The following DPYSL2 variants were observed in gnomAD, a reference collection of about 807,000 sequenced individuals.
DPYSL2 encodes the protein dihydropyrimidinase-related protein 2.
Under a neutral mutation model 69.9 loss-of-function variants are expected in DPYSL2, and 13 were observed. The observed-to-expected ratio is 0.19, with a 90% confidence interval of 0.12 to 0.30. The LOEUF is 0.30. Ranked by LOEUF, DPYSL2 falls within the 10% of genes least tolerant of loss-of-function variation. The pLI is 1.00. For missense variants in DPYSL2, 587 were observed against 918.9 expected, an observed-to-expected ratio of 0.64 and a Z score of 4.67; for synonymous variants, 326 against 359.1, an observed-to-expected ratio of 0.91 and a Z score of 1.04.
chr8:26,552,655 G>A (rs1227420171), intron 1 of DPYSL2, among the ~76,000 whole-genome samples: 1 of 152,176 alleles, frequency 6.6e-6, no homozygotes, highest in Non-Finnish European at 1.5e-5. Flanking sequence ...GAGGTGCAGG[G>A]CATCACATGT....
intron 1 of DPYSL2, among the ~76,000 whole-genome samples, chr8:26,529,295 C>G (rs1038489469): frequency 6.8e-6 from 1 of 146,254 alleles, no homozygotes; most frequent in African/African-American, 2.5e-5. Flanking sequence ...ATCTATCTAT[C>G]TATCTATCAT....
At position 26,579,924 on chromosome 8, in the gene DPYSL2, C is replaced by CTT. The variant is rs67626321; in HGVS notation, c.355-2024_355-2023dup. Among the ~76,000 whole-genome samples the CTT allele has an allele frequency of 1.6e-3, 188 of 115,562 alleles. 1 individual carries two copies. Among genetic ancestry groups the CTT allele is most frequent in the African/African-American group, 5.7e-3 (162 of 28,574 alleles). 75.8% of individuals were successfully genotyped at this position (115,562 alleles called of 152,430 possible). A position where few individuals can be genotyped will look rare whatever the true frequency, so the allele number is the denominator to read the frequency against. ...AATTAAAAGCAAACGATCAACAAGACTTTTTTTTTTTTTTTTTTTTTTAAA... is the reference window on the plus strand; with the variant it reads ...AATTAAAAGCAAACGATCAACAAGACTTTTTTTTTTTTTTTTTTTTTTTTAAA... On this transcript the variant is annotated intron_variant, in intron 1 of 13. Coordinates refer to ENST00000521913, the MANE Select transcript of DPYSL2 (RefSeq NM_001197293.3).
At chr8:26,568,067 A>T (rs907097568) in intron 1 of DPYSL2, among the ~76,000 whole-genome samples, 1 of 152,226 alleles carries the variant, frequency 6.6e-6, no homozygotes, top group East Asian at 1.9e-4. Flanking sequence ...AAGCCCACAA[A>T]TGAGACTGAT....
chr8:26,586,550 T>C lies in DPYSL2; in HGVS notation c.628+2567T>C, dbSNP rs1801608121. On this transcript the variant is annotated intron_variant, in intron 3 of 13. Coordinates refer to ENST00000521913, the MANE Select transcript of DPYSL2 (RefSeq NM_001197293.3). This position sits in a 1 kb window ranked among gnomAD's most constrained non-coding sequence, Gnocchi z 4.7. ...ACTCTTGTTCTTGTTTTTGACTCTTTCCTGCCTTCCCTTCCCCACCACAGG... is the reference window on the plus strand; with the variant it reads ...ACTCTTGTTCTTGTTTTTGACTCTTCCCTGCCTTCCCTTCCCCACCACAGG... 6.6e-6 allele frequency among the ~76,000 whole-genome samples: 1 copy of C among 152,192 alleles called. No individual in the cohort carries two copies. The highest frequency in any genetic ancestry group is 6.5e-5 in the Admixed American group (1 of 15,276).
chr8:26,595,038 A>G (rs1000657969), intron 3 of DPYSL2, among the ~76,000 whole-genome samples: 4 of 151,992 alleles, frequency 2.6e-5, no homozygotes, highest in Non-Finnish European at 5.9e-5. Context: ...CAATCAATCA[A>G]TCAATCAATC....
At chr8:26,525,242 C>T (rs767753280) in intron 1 of DPYSL2, among the ~76,000 whole-genome samples, 1 of 152,144 alleles carries the variant, frequency 6.6e-6, no homozygotes, top group Admixed American at 6.6e-5. Context: ...GTTTTTGAGA[C>T]AGGGTTTTAC....
chr8:26,573,290 C>T (rs1017242928), intron 1 of DPYSL2, among the ~76,000 whole-genome samples: 6 of 151,172 alleles, frequency 4.0e-5, no homozygotes, highest in Non-Finnish European at 7.4e-5. Flanking sequence ...TTTGGGAGGC[C>T]GAGGCAGGCA....
chr8:26,578,592 C>T lies in DPYSL2; in HGVS notation c.355-3377C>T, dbSNP rs1365582504. The T allele has an allele frequency of 3.0e-6, 4 of 1,320,944 alleles. No homozygotes were observed. The East Asian group carries it at 1.0e-4, about 33-fold the overall frequency. The allele number at this position is 1,320,944 out of a possible 1,614,324, so 81.8% of individuals were successfully genotyped here. On this transcript the variant is annotated intron_variant, in intron 1 of 13. Coordinates refer to ENST00000521913, the MANE Select transcript of DPYSL2 (RefSeq NM_001197293.3). ...CAGTGAGAGATGCTGCAGCGTCGGC[C>T]CGCGGGGTGCAAGCAAATGGATGCC...
chr8:26,651,738 A>G (rs1803283853), intron 11 of DPYSL2, among the ~76,000 whole-genome samples: 1 of 152,222 alleles, frequency 6.6e-6, no homozygotes, highest in Non-Finnish European at 1.5e-5. Context: ...CTAGCCCTCA[A>G]TCATTTTATC....
At chr8:26,524,761 C>T (rs1157564257) in intron 1 of DPYSL2, among the ~76,000 whole-genome samples, 1 of 124,784 alleles carries the variant, frequency 8.0e-6, no homozygotes, top group African/African-American at 3.1e-5. Flanking sequence ...GAGATTGCAC[C>T]ACTGCACTCA....
chr8:26,566,911 C>T (rs954850482), intron 1 of DPYSL2, among the ~76,000 whole-genome samples: 3 of 152,088 alleles, frequency 2.0e-5, no homozygotes, highest in Non-Finnish European at 4.4e-5. Context: ...ACCTGAGCAT[C>T]CATCCTGCCA....
Position 26,514,728 on chromosome 8 carries a change from G to T in DPYSL2, c.354+49G>T, listed in dbSNP as rs867331576. The T allele has an allele frequency of 7.4e-7, 1 of 1,347,014 alleles. No homozygotes were observed. Among genetic ancestry groups the T allele is most frequent in the African/African-American group, 1.5e-5 (1 of 64,832 alleles). The allele number at this position is 1,347,014 out of a possible 1,614,324, so 83.4% of individuals were successfully genotyped here. A position where few individuals can be genotyped will look rare whatever the true frequency, so the allele number is the denominator to read the frequency against. On this transcript the variant is annotated intron_variant, in intron 1 of 13. Coordinates refer to ENST00000521913, the MANE Select transcript of DPYSL2 (RefSeq NM_001197293.3). This position sits in a 1 kb window ranked among gnomAD's most constrained non-coding sequence, Gnocchi z 8.4. ...AGACGGAGGACGGGGCGCGGGGATC[G>T]CCCCTCCCTCGCCCCTGAGCCCGGC...
At chr8:26,573,155 T>C in intron 1 of DPYSL2, among the ~76,000 whole-genome samples, 1 of 152,240 alleles carries the variant, frequency 6.6e-6, no homozygotes, top group East Asian at 1.9e-4. Flanking sequence ...AATAAGCTGT[T>C]AATAATAACA....
rs564774801 is a variant in DPYSL2, at chr8:26,550,379, AGAAAC to A, written c.355-31586_355-31582del. Among the ~76,000 whole-genome samples the A allele has an allele frequency of 6.6e-5, 10 of 152,364 alleles. No homozygotes were observed. The South Asian group carries it at 2.1e-3, about 32-fold the overall frequency. On this transcript the variant is annotated intron_variant, in intron 1 of 13. Coordinates refer to ENST00000521913, the MANE Select transcript of DPYSL2 (RefSeq NM_001197293.3). Reference sequence around the variant, plus strand: ...GCAGAAAAAGAATGAAAGACAAGAAAGAAACGAAGAACAAGGACAAAAATATAAAA... The same window carrying A: ...GCAGAAAAAGAATGAAAGACAAGAAAGAAGAACAAGGACAAAAATATAAAA...
intron 1 of DPYSL2, among the ~76,000 whole-genome samples, chr8:26,561,520 C>T (rs988637580): frequency 3.9e-5 from 6 of 151,948 alleles, no homozygotes; most frequent in Non-Finnish European, 5.9e-5. Flanking sequence ...TCCCCCTAAC[C>T]GAGTGGAAAT....
chr8:26,601,862 G>T (rs748328515), intron 3 of DPYSL2, among the ~76,000 whole-genome samples: 1 of 152,258 alleles, frequency 6.6e-6, no homozygotes, highest in Non-Finnish European at 1.5e-5. Context: ...GGGTGGGCTA[G>T]CTTGAAATAA....
At chr8:26,552,973 A>G (rs1800893450) in intron 1 of DPYSL2, among the ~76,000 whole-genome samples, 1 of 152,200 alleles carries the variant, frequency 6.6e-6, no homozygotes, top group Non-Finnish European at 1.5e-5. Flanking sequence ...AAGACAGGCC[A>G]TCACTGCTGA....
In DPYSL2 at chr8:26,619,249, C is replaced by G. The variant is rs187540108; in HGVS notation, c.629-4894C>G. Among the ~76,000 whole-genome samples the G allele has an allele frequency of 6.6e-6, 1 of 152,304 alleles. No individual in the cohort carries two copies. The highest frequency in any genetic ancestry group is 2.4e-5 in the African/African-American group (1 of 41,562). On this transcript the variant is annotated intron_variant, in intron 3 of 13. Coordinates refer to ENST00000521913, the MANE Select transcript of DPYSL2 (RefSeq NM_001197293.3). This position sits in a 1 kb window ranked among gnomAD's most constrained non-coding sequence, Gnocchi z 4.8. ...TGAGTATGACATTCTGCCCTATTCC[C>G]TTGGAGCAGCTCTTCCCAGGAGAGC...
chr8:26,558,431 G>T (rs73563571), intron 1 of DPYSL2, among the ~76,000 whole-genome samples: 2,539 of 152,292 alleles, frequency 0.017, 66 homozygotes, highest in African/African-American at 0.056. Flanking sequence ...TGGGGAAGGG[G>T]TGAGTGGAAG....
Sources: allele counts gnomAD v4.1 joint callset (sites outside exome capture counted in the v4.1 genomes callset), GRCh38; gene constraint gnomAD v4.1.1; non-coding constraint Gnocchi (gnomAD v3.1); transcripts MANE v1.5; gene names NCBI Gene and HGNC (gene_info 2026-07-23, HGNC 2026-07-21).